The following CPA6 variants were observed in gnomAD, a reference collection of about 807,000 sequenced individuals.
CPA6 encodes carboxypeptidase A6.
A neutral mutation model predicts 63.3 loss-of-function variants in CPA6; 58 were observed. The observed-to-expected ratio is 0.92, with a 90% CI of 0.74 to 1.14. The LOEUF (loss-of-function observed/expected upper bound fraction) is 1.14. Among genes scored for constraint, CPA6 ranks in the 50% most tolerant of loss-of-function variants. CPA6 has a pLI of 0.00. For synonymous variants in CPA6, 185 were observed against 179.0 expected (o/e 1.03, Z -0.27); for missense variants, 565 against 526.6 (o/e 1.07, Z -0.71).
At chr8:67,612,449 GT>G (rs1814833304) in intron 2 of CPA6, among the ~76,000 whole-genome samples, 1 of 152,162 alleles carries the variant, frequency 6.6e-6, no homozygotes, top group Non-Finnish European at 1.5e-5. Context: ...CTGGGTCAAT[GT>G]CTTTTCCCTT....
chr8:67,541,221 G>T (rs919039078), intron 2 of CPA6, among the ~76,000 whole-genome samples: 1 of 152,152 alleles, frequency 6.6e-6, no homozygotes, highest in Non-Finnish European at 1.5e-5. Context: ...AGACCATGGG[G>T]AAAGCACAGT....
intron 8 of CPA6, among the ~76,000 whole-genome samples, chr8:67,436,707 G>A (rs1311208428): frequency 1.3e-5 from 2 of 151,872 alleles, no homozygotes; most frequent in African/African-American, 2.4e-5. Flanking sequence ...ATATTTAAGA[G>A]GTCTAAGGAA....
chr8:67,564,164 A>G (rs944825704), intron 2 of CPA6, among the ~76,000 whole-genome samples: 3 of 152,164 alleles, frequency 2.0e-5, no homozygotes, highest in Non-Finnish European at 2.9e-5. Flanking sequence ...AGAGTTTATC[A>G]TCTTGTTGGC....
rs147073782 is a variant in CPA6, at chr8:67,579,767, G to T, written c.192+44409C>A. ...TAGTTAAGAAAGAAAAGTAAAAGAA[G>T]ATGATTTCAACACCCATAAAGGTTT... On this transcript the variant is annotated intron_variant, in intron 2 of 10. Transcript: ENST00000297770. 2.3e-3 allele frequency among the ~76,000 whole-genome samples: 357 copies of T among 152,322 alleles called. 2 individuals carry two copies. Among genetic ancestry groups the T allele is most frequent in the African/African-American group, 8.3e-3 (344 of 41,566 alleles).
chr8:67,477,899 T>C (rs974931828), intron 8 of CPA6, among the ~76,000 whole-genome samples: 2 of 152,198 alleles, frequency 1.3e-5, no homozygotes, highest in Non-Finnish European at 2.9e-5. Context: ...TTGTGAAATA[T>C]GTATTTGGTC....
intron 2 of CPA6, among the ~76,000 whole-genome samples, chr8:67,573,251 T>G (rs537443546): frequency 1.3e-5 from 2 of 152,314 alleles, no homozygotes; most frequent in Admixed American, 6.5e-5. Context: ...CTATTTAATT[T>G]AGTATTGAAA....
chr8:67,577,695 CA>C lies in CPA6; in HGVS notation c.192+46480del, dbSNP rs368769745. 1.8e-3 allele frequency among the ~76,000 whole-genome samples: 273 copies of C among 152,198 alleles called. 1 individual carries two copies. Among genetic ancestry groups the C allele is most frequent in the African/African-American group, 5.9e-3 (244 of 41,508 alleles). ...ACTTTAACCTGCTGCCTAAATTAAGCAGTAAAAATAATTCCGTAAGAGAGTA... is the reference window on the plus strand; with the variant it reads ...ACTTTAACCTGCTGCCTAAATTAAGCGTAAAAATAATTCCGTAAGAGAGTA... On this transcript the variant is annotated intron_variant, in intron 2 of 10. Coordinates refer to ENST00000297770, the MANE Select transcript of CPA6 (RefSeq NM_020361.5).
At chr8:67,660,933 G>A (rs960268291) in intron 1 of CPA6, among the ~76,000 whole-genome samples, 1 of 152,070 alleles carries the variant, frequency 6.6e-6, no homozygotes, top group South Asian at 2.1e-4. Flanking sequence ...GACCTATATG[G>A]CTTCCATTTA....
intron 2 of CPA6, among the ~76,000 whole-genome samples, chr8:67,552,763 C>A (rs1587552043): frequency 1.4e-5 from 1 of 71,732 alleles, no homozygotes; most frequent in Non-Finnish European, 2.5e-5. Context: ...GGTGACAGAG[C>A]AAGACTGTCT....
At chr8:67,546,443 GCCTT>G (rs921405490) in intron 2 of CPA6, among the ~76,000 whole-genome samples, 8 of 152,296 alleles carry the variant, frequency 5.3e-5, no homozygotes, top group Admixed American at 5.2e-4. Context: ...CTTCTGTATA[GCCTT>G]CCTTAATTTT....
intron 1 of CPA6, among the ~76,000 whole-genome samples, chr8:67,672,646 C>A (rs1816375060): frequency 6.6e-6 from 1 of 152,144 alleles, no homozygotes; most frequent in South Asian, 2.1e-4. Context: ...CACACAGGGA[C>A]AAAAACCCGG....
intron 1 of CPA6, among the ~76,000 whole-genome samples, chr8:67,706,507 T>G (rs892997269): frequency 4.6e-5 from 7 of 152,208 alleles, no homozygotes; most frequent in African/African-American, 1.7e-4. Flanking sequence ...ATGTGGATTT[T>G]TTTTTTGGTC....
chr8:67,595,717 G>A (rs550519145), intron 2 of CPA6, among the ~76,000 whole-genome samples: 5 of 152,336 alleles, frequency 3.3e-5, no homozygotes, highest in Middle Eastern at 3.4e-3. Context: ...CTGGTGCACC[G>A]TTTCCTAAGC....
chr8:67,627,370 A>ACT (rs1331254158), intron 1 of CPA6, among the ~76,000 whole-genome samples: 51 of 152,318 alleles, frequency 3.3e-4, no homozygotes, highest in African/African-American at 1.1e-3. Flanking sequence ...GAACTTAGAA[A>ACT]AACTAACCAT....
At chr8:67,740,449 G>A (rs1008072402) in intron 1 of CPA6, among the ~76,000 whole-genome samples, 2 of 152,144 alleles carry the variant, frequency 1.3e-5, no homozygotes, top group African/African-American at 4.8e-5. Context: ...TAGAAAACTA[G>A]TATTATGTCT....
intron 2 of CPA6, among the ~76,000 whole-genome samples, chr8:67,566,686 C>G (rs1470082358): frequency 6.6e-6 from 1 of 152,182 alleles, no homozygotes; most frequent in Non-Finnish European, 1.5e-5. Flanking sequence ...TAGCTGCATG[C>G]TGCACCCTCA....
At chr8:67,550,012 A>G (rs1045658332) in intron 2 of CPA6, among the ~76,000 whole-genome samples, 2 of 152,182 alleles carry the variant, frequency 1.3e-5, no homozygotes, top group African/African-American at 4.8e-5. Context: ...CAGAAGTGAA[A>G]TTGCTGGATC....
chr8:67,642,307 G>A (rs922646830), intron 1 of CPA6, among the ~76,000 whole-genome samples: 4 of 133,120 alleles, frequency 3.0e-5, no homozygotes, highest in Admixed American at 7.4e-5. Context: ...GACAGAGCAT[G>A]ACTCCATCTC....
At chr8:67,726,207 G>T (rs1817593906) in intron 1 of CPA6, among the ~76,000 whole-genome samples, 3 of 152,150 alleles carry the variant, frequency 2.0e-5, no homozygotes. Flanking sequence ...GGGAGATAAT[G>T]AAGTATATAT....
Sources: gnomAD v4.1 joint callset for allele counts (sites outside exome capture counted in the v4.1 genomes callset) on GRCh38, gnomAD v4.1.1 for gene constraint, MANE v1.5 for transcripts, NCBI Gene and HGNC (gene_info 2026-07-23, HGNC 2026-07-21) for gene names.